The following MAF variants were observed in gnomAD, a reference collection of about 807,000 sequenced individuals.
MAF encodes the protein transcription factor Maf.
A neutral mutation model predicts 22.0 loss-of-function variants in MAF; 10 were observed. That is an observed-to-expected ratio of 0.45 (90% CI 0.28 to 0.77). The LOEUF is 0.77. Ranked by LOEUF, MAF falls within the 30% of genes least tolerant of loss-of-function variation. The probability of loss-of-function intolerance (pLI) is 0.12; values close to 1 mark genes in which losing one functional copy is unlikely to be tolerated. For missense variants in MAF, 544 were observed against 548.4 expected (o/e 0.99, Z 0.08); for synonymous variants, 337 against 255.8 (o/e 1.32, Z -3.03).
chr16:79,408,990 A>T, the MAF span, among the ~76,000 whole-genome samples: 6 of 123,028 alleles, frequency 4.9e-5, no homozygotes, highest in South Asian at 1.8e-3. Context: ...CATAGACCAG[A>T]GTTTTCAAAT....
chr16:79,226,858 A>G, the MAF span, among the ~76,000 whole-genome samples: 40 of 152,084 alleles, frequency 2.6e-4, no homozygotes, highest in African/African-American at 9.7e-4. Context: ...CTTATTGAGT[A>G]TTATAGCACG....
At chr16:79,522,415 A>G in the MAF span, among the ~76,000 whole-genome samples, 3 of 152,204 alleles carry the variant, frequency 2.0e-5, no homozygotes, top group African/African-American at 7.2e-5. Flanking sequence ...GAGCTGCTAA[A>G]GGAGTTGTGT....
chr16:79,411,747 C>T, the MAF span, among the ~76,000 whole-genome samples: 2 of 152,242 alleles, frequency 1.3e-5, no homozygotes, highest in Admixed American at 1.3e-4. Flanking sequence ...CCAGGCTTTT[C>T]CTCTTGCTGC....
chr16:79,456,182 C>T, the MAF span, among the ~76,000 whole-genome samples: 2 of 152,118 alleles, frequency 1.3e-5, no homozygotes. Context: ...GCTGCATCCA[C>T]CCCGCACAGA....
At chr16:79,226,716 CATT>C in the MAF span, among the ~76,000 whole-genome samples, 4 of 151,984 alleles carry the variant, frequency 2.6e-5, no homozygotes, top group South Asian at 8.3e-4. Context: ...ATGTGGATGA[CATT>C]TTTTTCTTAG....
chr16:79,478,485 C>T, the MAF span, among the ~76,000 whole-genome samples: 3 of 152,274 alleles, frequency 2.0e-5, no homozygotes, highest in East Asian at 1.9e-4. Context: ...CTGTCAGCCA[C>T]AATCACTAGC....
the MAF span, among the ~76,000 whole-genome samples, chr16:79,310,112 T>C: frequency 6.6e-6 from 1 of 152,136 alleles, no homozygotes. Flanking sequence ...TCCCCCCCGA[T>C]TTCCTTCCTT....
At chr16:79,558,158 C>T in the MAF span, among the ~76,000 whole-genome samples, 51 of 152,112 alleles carry the variant, frequency 3.4e-4, no homozygotes, top group South Asian at 1.5e-3. Context: ...GTTTTTCCTG[C>T]CTGTGGGGGG....
the MAF span, among the ~76,000 whole-genome samples, chr16:79,321,697 C>CTGGAGTGTA: frequency 7.8e-6 from 1 of 128,450 alleles, no homozygotes; most frequent in Non-Finnish European, 1.6e-5. Context: ...GTCACCCAGG[C>CTGGAGTGTA]TGGAGTGTAG....
At chr16:79,582,044 G>A (rs1333526056), downstream of MAF, among the ~76,000 whole-genome samples, 3 of 152,104 alleles carry the variant, frequency 2.0e-5, no homozygotes, top group Admixed American at 2.0e-4. Flanking sequence ...TTTTCCCACT[G>A]TCTTACTGTT....
At chr16:79,407,455 C>T in the MAF span, among the ~76,000 whole-genome samples, 1 of 152,152 alleles carries the variant, frequency 6.6e-6, no homozygotes, top group African/African-American at 2.4e-5. Context: ...GAAAGTTTCT[C>T]TCTCTTCCTC....
At chr16:79,405,262 A>T in the MAF span, among the ~76,000 whole-genome samples, 2 of 152,144 alleles carry the variant, frequency 1.3e-5, no homozygotes, top group Non-Finnish European at 2.9e-5. Flanking sequence ...CTATGTTCTC[A>T]TGAAGTCTGA....
the MAF span, among the ~76,000 whole-genome samples, chr16:79,330,091 C>T: frequency 2.0e-5 from 3 of 152,130 alleles, no homozygotes; most frequent in Admixed American, 1.3e-4. Context: ...TATTTTCATA[C>T]CGATTTATTC....
At chr16:79,336,159 T>C in the MAF span, among the ~76,000 whole-genome samples, 54 of 152,346 alleles carry the variant, frequency 3.5e-4, no homozygotes, top group South Asian at 0.011. Flanking sequence ...TTAAAGTCTG[T>C]AAGCTTCAGG....
the MAF span, among the ~76,000 whole-genome samples, chr16:79,255,892 G>T: frequency 3.3e-5 from 5 of 151,894 alleles, no homozygotes; most frequent in East Asian, 9.7e-4. Flanking sequence ...CATGGTACCT[G>T]GTGTGAGAAA....
chr16:79,485,177 C>T, the MAF span, among the ~76,000 whole-genome samples: 1 of 152,176 alleles, frequency 6.6e-6, no homozygotes. Flanking sequence ...TGTGTTCAAA[C>T]CCCACCCCTG....
chr16:79,538,535 CTA>C, the MAF span, among the ~76,000 whole-genome samples: 2 of 152,100 alleles, frequency 1.3e-5, no homozygotes, highest in Non-Finnish European at 2.9e-5. Context: ...TTAAACCTGA[CTA>C]CACTTTATTT....
chr16:79,480,822 G>A, the MAF span, among the ~76,000 whole-genome samples: 3 of 152,126 alleles, frequency 2.0e-5, no homozygotes, highest in African/African-American at 7.2e-5. Flanking sequence ...CTTCCTCTGG[G>A]AAAACAGTTG....
chr16:79,245,664 C>G, the MAF span, among the ~76,000 whole-genome samples: 1 of 151,984 alleles, frequency 6.6e-6, no homozygotes, highest in African/African-American at 2.4e-5. Context: ...CCTCAAGGAC[C>G]TAGAACTAGA....
Sources: allele counts gnomAD v4.1 joint callset (sites outside exome capture counted in the v4.1 genomes callset), GRCh38; gene constraint gnomAD v4.1.1; transcripts MANE v1.5; gene names NCBI Gene and HGNC (gene_info 2026-07-23, HGNC 2026-07-21).